The following PDHX variants were observed in gnomAD, a reference collection of about 807,000 sequenced individuals.
The protein encoded by PDHX is pyruvate dehydrogenase complex component X.
In PDHX, 33 loss-of-function variants were observed where a neutral mutation model predicts 55.3. The ratio of observed to expected loss-of-function variants is 0.60; its 90% CI spans 0.45 to 0.80. The LOEUF (loss-of-function observed/expected upper bound fraction) is 0.80, where lower values mean the gene tolerates loss of function less well. Ranked by LOEUF, PDHX falls within the 30% of genes least tolerant of loss-of-function variation. PDHX has a pLI of 0.00. For missense variants in PDHX, 622 were observed against 619.9 expected (o/e 1.00, Z -0.04); for synonymous variants, 226 against 219.4 (o/e 1.03, Z -0.27).
At chr11:34,968,703 T>A (rs1855190108) in intron 6 of PDHX, among the ~76,000 whole-genome samples, 1 of 152,206 alleles carries the variant, frequency 6.6e-6, no homozygotes, top group African/African-American at 2.4e-5. Context: ...TCTTCTAATG[T>A]CCCTTGTGAT....
chr11:34,960,794 T>C (rs571556858), intron 5 of PDHX, among the ~76,000 whole-genome samples: 13 of 152,318 alleles, frequency 8.5e-5, no homozygotes, highest in African/African-American at 3.1e-4. Context: ...CGTAGAACAG[T>C]GAAACTTTAT....
intron 5 of PDHX, among the ~76,000 whole-genome samples, chr11:34,966,359 A>T (rs914412788): frequency 6.6e-5 from 10 of 152,232 alleles, no homozygotes; most frequent in Non-Finnish European, 1.5e-4. Context: ...AGAAAAAAAG[A>T]CTAATTTCCT....
chr11:34,963,598 G>A (rs999559737), intron 5 of PDHX, among the ~76,000 whole-genome samples: 3 of 152,080 alleles, frequency 2.0e-5, no homozygotes, highest in South Asian at 2.1e-4. Context: ...TTCTTGACAC[G>A]GTGAGGACAT....
chr11:34,995,113 G>GCAT lies in PDHX; in HGVS notation c.1449_1450insTCA (p.Ala483_Thr484insSer). On this transcript the variant is annotated inframe_insertion, in exon 11 of 11. Coordinates refer to ENST00000227868, the MANE Select transcript of PDHX (RefSeq NM_003477.3). Reference sequence around the variant, plus strand: ...CAGTCGAGTGGTTGATGACGAACTGGCAACCAGGTTTCTTAAAAGTTTTAA... The same window carrying GCAT: ...CAGTCGAGTGGTTGATGACGAACTGGCATCAACCAGGTTTCTTAAAAGTTTTAA... 1 of 1,613,992 alleles carries GCAT rather than the reference G, an allele frequency of 6.2e-7. No homozygotes were observed. The highest frequency in any genetic ancestry group is 1.1e-5 in the South Asian group (1 of 91,084).
chr11:34,975,520 A>G (rs142186418), intron 7 of PDHX, among the ~76,000 whole-genome samples: 53 of 152,146 alleles, frequency 3.5e-4, no homozygotes, highest in African/African-American at 1.3e-3. Context: ...AGCTTAGCAA[A>G]ATATATATTT....
intron 2 of PDHX, among the ~76,000 whole-genome samples, chr11:34,939,697 C>CT (rs913456077): frequency 6.6e-6 from 1 of 151,988 alleles, no homozygotes. Context: ...TTTTTATTTT[C>CT]TTTTTTTAAG....
intron 10 of PDHX, among the ~76,000 whole-genome samples, chr11:34,994,269 G>A (rs900229219): frequency 1.3e-5 from 2 of 152,162 alleles, no homozygotes; most frequent in East Asian, 1.9e-4. Context: ...ACTGAATACC[G>A]TAAGCAGTTG....
intron 1 of PDHX, 82 bp downstream of exon 1, chr11:34,916,897 C>T: frequency 7.4e-7 from 1 of 1,343,072 alleles, no homozygotes; most frequent in Non-Finnish European, 1.0e-6. Context: ...TGAGGGCCTG[C>T]TTTTGGGTGT....
intron 2 of PDHX, among the ~76,000 whole-genome samples, chr11:34,946,530 C>T (rs1854623564): frequency 6.6e-6 from 1 of 152,154 alleles, no homozygotes; most frequent in Non-Finnish European, 1.5e-5. Context: ...GTCTTCCCTC[C>T]TACGCAGTCC....
At chr11:34,959,095 T>G (rs2133974299) in intron 4 of PDHX, among the ~76,000 whole-genome samples, 1 of 152,240 alleles carries the variant, frequency 6.6e-6, no homozygotes. Context: ...TCAGGCTTAT[T>G]TTCTTTATCT....
chr11:34,928,953 G>A (rs545246068), intron 1 of PDHX, among the ~76,000 whole-genome samples: 5 of 152,248 alleles, frequency 3.3e-5, no homozygotes, highest in African/African-American at 9.6e-5. Context: ...AGTAAAAAAT[G>A]CAAAGATTTT....
intron 2 of PDHX, among the ~76,000 whole-genome samples, chr11:34,938,280 A>G (rs1215633575): frequency 6.6e-6 from 1 of 152,248 alleles, no homozygotes; most frequent in East Asian, 1.9e-4. Flanking sequence ...AGAAGAAGAA[A>G]AAAAGAGGGA....
At chr11:34,917,377 C>A (rs1216584723) in intron 1 of PDHX, among the ~76,000 whole-genome samples, 1 of 152,180 alleles carries the variant, frequency 6.6e-6, no homozygotes, top group Non-Finnish European at 1.5e-5. Context: ...CAAATATTCG[C>A]TTGAAAGAGC....
intron 1 of PDHX, among the ~76,000 whole-genome samples, chr11:34,924,444 C>A (rs188336815): frequency 1.3e-4 from 20 of 152,284 alleles, no homozygotes; most frequent in Admixed American, 8.5e-4. Context: ...TGGTCTTGAA[C>A]TTCTGACCTA....
chr11:34,968,236 G>A (rs1478850744), intron 6 of PDHX, among the ~76,000 whole-genome samples: 1 of 149,962 alleles, frequency 6.7e-6, no homozygotes, highest in Non-Finnish European at 1.5e-5. Flanking sequence ...ACTCCAGCCT[G>A]GGTAATAGAG....
chr11:34,975,692 G>C (rs1855353314), intron 7 of PDHX, among the ~76,000 whole-genome samples: 1 of 152,098 alleles, frequency 6.6e-6, no homozygotes, highest in Admixed American at 6.5e-5. Flanking sequence ...TCCTGTGTTT[G>C]TCTCTCCTCT....
intron 4 of PDHX, 117 bp from the exon 5 acceptor site, chr11:34,960,303 T>G: frequency 1.4e-6 from 1 of 705,194 alleles, no homozygotes. Flanking sequence ...GTGGGAGTCA[T>G]TTTAGCTTTA....
intron 1 of PDHX, among the ~76,000 whole-genome samples, chr11:34,919,275 CA>C (rs1309201755): frequency 2.8e-5 from 4 of 141,830 alleles, no homozygotes; most frequent in African/African-American, 9.7e-5. Context: ...ATTTGTTTTA[CA>C]AACTGTGAAT....
In PDHX at chr11:34,984,374, G is replaced by A. The variant is rs139561761; in HGVS notation, c.1024-196G>A. Reference sequence around the variant, plus strand: ...TCTTCAAACTTGCTTCAAAAAGGTGGTATGTTTAATTATTCTTGGCAAACA... The same window carrying A: ...TCTTCAAACTTGCTTCAAAAAGGTGATATGTTTAATTATTCTTGGCAAACA... On this transcript the variant is annotated intron_variant, in intron 8 of 10. Coordinates refer to ENST00000227868, the MANE Select transcript of PDHX (RefSeq NM_003477.3). Among the ~76,000 whole-genome samples, 1,011 of 152,276 alleles carry A rather than the reference G, an allele frequency of 6.6e-3. 10 individuals carry two copies. Among genetic ancestry groups the A allele is most frequent in the Non-Finnish European group, 0.01 (685 of 68,016 alleles).
Sources: gnomAD v4.1 joint callset for allele counts (sites outside exome capture counted in the v4.1 genomes callset) on GRCh38, gnomAD v4.1.1 for gene constraint, MANE v1.5 for transcripts, NCBI Gene and HGNC (gene_info 2026-07-23, HGNC 2026-07-21) for gene names.